POMK: variants seen among roughly 807,000 people sequenced by gnomAD.
POMK encodes protein O-mannose kinase.
Under a neutral mutation model 23.0 loss-of-function variants are expected in POMK, and 19 were observed. The observed-to-expected ratio is 0.83, with a 90% CI of 0.58 to 1.21. The LOEUF is 1.21. POMK is among the 50% of genes most tolerant of loss of function. The pLI is 0.00. For synonymous variants in POMK, 173 were observed against 171.6 expected (o/e 1.01, Z -0.06); for missense variants, 410 against 431.3 (o/e 0.95, Z 0.44).
intron 4 of POMK, among the ~76,000 whole-genome samples, chr8:43,111,394 A>T (rs1811659739): frequency 6.6e-6 from 1 of 152,204 alleles, no homozygotes; most frequent in Non-Finnish European, 1.5e-5. Context: ...GCCATTGCTC[A>T]GGCTTGAGTA....
rs988691685 is a variant in POMK at position 43,095,818 on chromosome 8, C to A, written c.-209-1706C>A. ...TGTATAAGCTTCAGGCCCCATAAAA[C>A]CTGAATCCACTAGTGGCAAGGAAGG... is the stretch of plus-strand genomic sequence containing the variant. On this transcript the variant is annotated intron_variant, in intron 1 of 4. Transcript: ENST00000331373. 3.3e-5 allele frequency among the ~76,000 whole-genome samples: 5 copies of A among 152,286 alleles called. No individual in the cohort carries two copies. The East Asian group carries it at 9.6e-4, about 29-fold the overall frequency.
In POMK at chr8:43,123,408, T is replaced by G. The variant is rs1230344245; in HGVS notation, c.*531T>G. On this transcript the variant is annotated 3_prime_UTR_variant, in exon 5 of 5. Transcript: ENST00000331373. ...TTATTGATTTCTACTTTTCTTCCAT[T>G]GTGGTCTGAGAAGGTACTTGATATG... is the stretch of plus-strand genomic sequence containing the variant. 1 of 153,572 alleles carries G rather than the reference T, an allele frequency of 6.5e-6. No homozygotes were observed. Among genetic ancestry groups the G allele is most frequent in the Non-Finnish European group, 1.4e-5 (1 of 68,988 alleles). The allele number at this position is 153,572 out of a possible 1,614,324, so 9.5% of individuals were successfully genotyped here. A position where few individuals can be genotyped will look rare whatever the true frequency, so the allele number is the denominator to read the frequency against.
At chr8:43,113,932 G>A (rs1426142811) in intron 4 of POMK, among the ~76,000 whole-genome samples, 1 of 152,218 alleles carries the variant, frequency 6.6e-6, no homozygotes, top group African/African-American at 2.4e-5. Flanking sequence ...GCGGATTTTC[G>A]TGAACCGCGA....
At chr8:43,094,254 C>G (rs1811285916) in intron 1 of POMK, among the ~76,000 whole-genome samples, 1 of 152,048 alleles carries the variant, frequency 6.6e-6, no homozygotes, top group African/African-American at 2.4e-5. Flanking sequence ...TCAGGCTGGT[C>G]TCGAACGCCT....
chr8:43,103,630 G>A lies in POMK; in HGVS notation c.82G>A (p.Ala28Thr), dbSNP rs201506618. 1 of 1,613,798 alleles carries A rather than the reference G, an allele frequency of 6.2e-7. No individual in the cohort carries two copies. The highest frequency in any genetic ancestry group is 1.3e-5 in the African/African-American group (1 of 74,844). The change falls in exon 4 of 5, where the codon GCC becomes ACC. Residue 28 changes from alanine (A) to threonine (T), a missense_variant. By Grantham distance (58) the Ala-to-Thr change is moderately conservative. Transcript: ENST00000331373. The stretch of plus-strand genomic sequence containing the variant: ...AGCTGTTGGGCTGCTGCTGATCATG[G>A]CCCTGATGAATACTCTGCTCTACCT... ...PPAVGLLLIMALMNTLLYLCL... is the reference protein window; with the variant it reads ...PPAVGLLLIMTLMNTLLYLCL...
intron 4 of POMK, among the ~76,000 whole-genome samples, chr8:43,113,293 G>A (rs1482606793): frequency 6.6e-6 from 1 of 152,032 alleles, no homozygotes; most frequent in East Asian, 1.9e-4. Flanking sequence ...CATATTTCTT[G>A]GAGGCTTTGT....
chr8:43,122,292 C>T lies in POMK; in HGVS notation c.468C>T (p.Ser156=). 6.2e-7 allele frequency: 1 copy of T among 1,614,196 alleles called. No homozygotes were observed. Among genetic ancestry groups the T allele is most frequent in the Non-Finnish European group, 8.5e-7 (1 of 1,180,036 alleles). ...TTACTGAATATCACCCTCTAGGTTC[C>T]TTGAGTAACCTGGAAGAAACACTAA... ...TMLTEYHPLG[S]LSNLEETLNL... Residue 156 remains serine (S), a synonymous_variant, in exon 5 of 5, where the codon TCC becomes TCT. Transcript: ENST00000331373.
intron 4 of POMK, among the ~76,000 whole-genome samples, chr8:43,117,891 T>C (rs1198429812): frequency 6.6e-6 from 1 of 152,218 alleles, no homozygotes; most frequent in Non-Finnish European, 1.5e-5. Flanking sequence ...AAATTCTGTC[T>C]GCCTACCTAG....
At chr8:43,095,708 C>T (rs1306838780) in intron 1 of POMK, among the ~76,000 whole-genome samples, 2 of 152,176 alleles carry the variant, frequency 1.3e-5, no homozygotes, top group East Asian at 3.8e-4. Flanking sequence ...CACAAATCCT[C>T]TTGCCAAAAC....
At chr8:43,117,996 G>T (rs961337257) in intron 4 of POMK, among the ~76,000 whole-genome samples, 1 of 152,114 alleles carries the variant, frequency 6.6e-6, no homozygotes, top group African/African-American at 2.4e-5. Context: ...AAATGTCCAG[G>T]TCTTTAGAAA....
At chr8:43,118,596 T>G (rs1016910727) in intron 4 of POMK, among the ~76,000 whole-genome samples, 3 of 152,206 alleles carry the variant, frequency 2.0e-5, no homozygotes, top group Admixed American at 6.5e-5. Flanking sequence ...AGCAACTAAA[T>G]TAGAGGTTGT....
At chr8:43,096,226 A>T (rs1002541537) in intron 1 of POMK, among the ~76,000 whole-genome samples, 5 of 152,052 alleles carry the variant, frequency 3.3e-5, no homozygotes, top group Non-Finnish European at 5.9e-5. Context: ...GGGGCCAGAG[A>T]GTGTGGTGCA....
chr8:43,098,417 C>T (rs1175456650), intron 2 of POMK, among the ~76,000 whole-genome samples: 1 of 152,164 alleles, frequency 6.6e-6, no homozygotes, highest in Non-Finnish European at 1.5e-5. Flanking sequence ...ATGATGTTTC[C>T]AGGGTTCACC....
At position 43,122,201 on chromosome 8, in the gene POMK, T is replaced by A; in HGVS notation, c.377T>A (p.Leu126Gln). Residue 126 changes from leucine to glutamine, a missense_variant, in exon 5 of 5, where the codon CTG becomes CAG. Transcript: ENST00000331373. ...KDDFLHGLQM[L>Q]KSLQGTHVVT... ...GATTTCCTCCATGGACTGCAGATGC[T>A]GAAATCTCTCCAAGGCACACATGTT... is the stretch of plus-strand genomic sequence containing the variant. The A allele has an allele frequency of 6.2e-7, 1 of 1,614,234 alleles. No homozygotes were observed. The highest frequency in any genetic ancestry group is 8.5e-7 in the Non-Finnish European group (1 of 1,180,044).
At chr8:43,115,223 C>T (rs1032009359) in intron 4 of POMK, among the ~76,000 whole-genome samples, 3 of 152,180 alleles carry the variant, frequency 2.0e-5, no homozygotes, top group African/African-American at 4.8e-5. Flanking sequence ...GCTCTGCCTC[C>T]TCATCCCTTC....
At chr8:43,106,756 C>T (rs1365556404) in intron 4 of POMK, among the ~76,000 whole-genome samples, 11 of 152,286 alleles carry the variant, frequency 7.2e-5, no homozygotes, top group East Asian at 1.9e-4. Context: ...TCCTCGACCT[C>T]CCAAAATGCT....
intron 2 of POMK, among the ~76,000 whole-genome samples, chr8:43,099,195 C>A (rs1811391248): frequency 6.6e-6 from 1 of 152,256 alleles, no homozygotes; most frequent in Non-Finnish European, 1.5e-5. Flanking sequence ...AAGCGATCCT[C>A]CCACCTTGGC....
chr8:43,101,241 C>A (rs183370737), intron 2 of POMK, among the ~76,000 whole-genome samples: 5 of 151,624 alleles, frequency 3.3e-5, no homozygotes, highest in African/African-American at 1.2e-4. Flanking sequence ...TGAGCAACAT[C>A]GTGAGACCCA....
intron 4 of POMK, among the ~76,000 whole-genome samples, chr8:43,110,360 A>T (rs1485759187): frequency 6.6e-6 from 1 of 152,240 alleles, no homozygotes; most frequent in Non-Finnish European, 1.5e-5. Context: ...GGCTAACTCC[A>T]CATGTCTCAG....
Sources: gnomAD v4.1 joint callset for allele counts (sites outside exome capture counted in the v4.1 genomes callset) on GRCh38, gnomAD v4.1.1 for gene constraint, MANE v1.5 for transcripts, NCBI Gene and HGNC (gene_info 2026-07-23, HGNC 2026-07-21) for gene names.